MED25: variants seen among roughly 807,000 people sequenced by gnomAD.
The protein encoded by MED25 is mediator of RNA polymerase II transcription subunit 25.
In MED25, 62 loss-of-function variants were observed where a neutral mutation model predicts 89.4. The ratio of observed to expected loss-of-function variants is 0.69; its 90% CI spans 0.57 to 0.86. The LOEUF (loss-of-function observed/expected upper bound fraction) is 0.86, where lower values mean the gene tolerates loss of function less well. Among genes scored for constraint, MED25 ranks in the 40% least tolerant of loss-of-function variants. The pLI, the probability that MED25 is intolerant of heterozygous loss-of-function variation, is 0.00. For synonymous variants in MED25, 449 were observed against 427.9 expected (o/e 1.05, Z -0.61); for missense variants, 905 against 1,005.2 (o/e 0.90, Z 1.35).
intron 2 of MED25, chr19:49,818,875 G>A: frequency 3.4e-6 from 2 of 582,454 alleles, no homozygotes; most frequent in Non-Finnish European, 3.0e-6. Flanking sequence ...GAGGGAGGAA[G>A]GGCTGGGCGT....
rs774677780 is a variant in MED25, at chr19:49,830,065, T to C, written c.689-23T>C. On this transcript the variant is annotated intron_variant, in intron 6 of 17. Transcript: ENST00000312865. The surrounding 1 kb of genome is among the most constrained non-coding windows in gnomAD (Gnocchi z 4.6). ...CATCTTGAATCCCTTCTCTCTGGGG[T>C]TGGCCATCCCTCCTGCTCTCAGTTG... 1 of 1,601,314 alleles carries C rather than the reference T, an allele frequency of 6.2e-7. No individual in the cohort carries two copies. The highest frequency in any genetic ancestry group is 1.3e-5 in the African/African-American group (1 of 74,848).
downstream of MED25, chr19:49,840,382 A>G (rs1349113723): frequency 1.3e-5 from 2 of 152,158 alleles, no homozygotes; most frequent in Admixed American, 6.5e-5. Context: ...CGATTTGATG[A>G]TATTTCTGGC....
At chr19:49,838,548 A>G (rs1472336250), downstream of MED25, 1 of 457,140 alleles carries the variant, frequency 2.2e-6, no homozygotes, top group Admixed American at 2.4e-5. Context: ...AGGAAAGTGA[A>G]ATCTTTCTTG....
intron 3 of MED25, among the ~76,000 whole-genome samples, chr19:49,823,675 C>T (rs2123869249): frequency 6.6e-6 from 1 of 152,312 alleles, no homozygotes; most frequent in East Asian, 1.9e-4. Flanking sequence ...TGTTGAGTAT[C>T]TGCTTTGTTC....
downstream of MED25, chr19:49,839,742 C>T (rs2074121950): frequency 6.6e-6 from 1 of 152,184 alleles, no homozygotes; most frequent in Non-Finnish European, 1.5e-5. Context: ...AACCTTTACT[C>T]TTTCCTGTGC....
intron 3 of MED25, among the ~76,000 whole-genome samples, chr19:49,826,065 G>A (rs1244698869): frequency 1.3e-5 from 2 of 152,092 alleles, no homozygotes; most frequent in African/African-American, 4.8e-5. Flanking sequence ...TTGATGCCGG[G>A]CACAGTGGCT....
Position 49,828,461 on chromosome 19 carries a change from G to A in MED25, c.318G>A (p.Gly106=), listed in dbSNP as rs929840796. Residue 106 remains glycine, a synonymous_variant, in exon 4 of 18, where the codon GGG becomes GGA. Transcript: ENST00000312865. ...TCTGCCCCTGCAGGTTCATGGGCGG[G>A]GGTGGTGAGAGCTGCAGCCTCATCG... ...TWLDGIKFMG[G]GGESCSLIAE... 4 of 1,613,894 alleles carry A rather than the reference G, an allele frequency of 2.5e-6. No homozygotes were observed. The highest frequency in any genetic ancestry group is 3.4e-6 in the Non-Finnish European group (4 of 1,179,824).
chr19:49,836,097 C>T lies in MED25; in HGVS notation c.1966-129C>T, dbSNP rs966803520. 572 of 1,507,392 alleles carry T rather than the reference C, an allele frequency of 3.8e-4. No individual in the cohort carries two copies. Among genetic ancestry groups the T allele is most frequent in the Middle Eastern group, 5.7e-4 (3 of 5,234 alleles). The allele number at this position is 1,507,392 out of a possible 1,614,324, so 93.4% of individuals were successfully genotyped here. On this transcript the variant is annotated intron_variant, in intron 16 of 17. Coordinates refer to ENST00000312865, the MANE Select transcript of MED25 (RefSeq NM_030973.4). This position sits in a 1 kb window ranked among gnomAD's most constrained non-coding sequence, Gnocchi z 5.1. ...GGCAGAAGGCAGACCGCCTCCTCTC[C>T]GTCCATCCCCCACCTTTGAAGAAAA... is the stretch of plus-strand genomic sequence containing the variant.
Position 49,836,162 on chromosome 19 carries a change from G to T in MED25, c.1966-64G>T. 1 of 1,570,262 alleles carries T rather than the reference G, an allele frequency of 6.4e-7. No homozygotes were observed. The highest frequency in any genetic ancestry group is 1.1e-5 in the South Asian group (1 of 89,062). On this transcript the variant is annotated intron_variant, in intron 16 of 17. Transcript: ENST00000312865. This position sits in a 1 kb window ranked among gnomAD's most constrained non-coding sequence, Gnocchi z 5.1. Reference sequence around the variant, plus strand: ...CTAGCTGATTCCATCTCTGAGCAGTGTCTGTGTTGAGAGGTGGGGAGTCTC... The same window carrying T: ...CTAGCTGATTCCATCTCTGAGCAGTTTCTGTGTTGAGAGGTGGGGAGTCTC...
Position 49,830,401 on chromosome 19 carries a change from T to C in MED25, c.820-110T>C. On this transcript the variant is annotated intron_variant, in intron 7 of 17. Coordinates refer to ENST00000312865, the MANE Select transcript of MED25 (RefSeq NM_030973.4). The surrounding 1 kb of genome is among the most constrained non-coding windows in gnomAD (Gnocchi z 4.6). ...GTGTGATGGGTGTTGTGAGCTAAGC[T>C]ATCCCAGCTGGTGCCTCATGGGGCC... 2.4e-6 allele frequency: 3 copies of C among 1,240,458 alleles called. No homozygotes were observed. The highest frequency in any genetic ancestry group is 3.5e-6 in the Non-Finnish European group (3 of 858,904). 76.8% of individuals were successfully genotyped at this position (1,240,458 alleles called of 1,614,324 possible). A position where few individuals can be genotyped will look rare whatever the true frequency, so the allele number is the denominator to read the frequency against.
Position 49,836,207 on chromosome 19 carries a change from ACT to A in MED25, c.1966-14_1966-13del, listed in dbSNP as rs754569108. The A allele has an allele frequency of 3.7e-6, 6 of 1,610,254 alleles. No homozygotes were observed. Among genetic ancestry groups the A allele is most frequent in the African/African-American group, 1.3e-5 (1 of 74,672 alleles). On this transcript the variant is annotated splice_polypyrimidine_tract_variant and intron_variant, in intron 16 of 17. Coordinates refer to ENST00000312865, the MANE Select transcript of MED25 (RefSeq NM_030973.4). The surrounding 1 kb of genome is among the most constrained non-coding windows in gnomAD (Gnocchi z 5.1). ...AGTCTCTACCAGGAGCCTCTGAGCC[ACT>A]CTCTGTGTTCTCCCAGCCGCAGACT...
chr19:49,829,166 C>G lies in MED25; in HGVS notation c.525+76C>G. ...GGTCTGAGGCAGGAGGCACTGAGGGCCTGGACTCCTGGGTCTGAGGGAGGA... is the reference window on the plus strand; with the variant it reads ...GGTCTGAGGCAGGAGGCACTGAGGGGCTGGACTCCTGGGTCTGAGGGAGGA... On this transcript the variant is annotated intron_variant, in intron 5 of 17. Transcript: ENST00000312865. The surrounding 1 kb of genome is among the most constrained non-coding windows in gnomAD (Gnocchi z 4.6). 1.5e-6 allele frequency: 2 copies of G among 1,339,158 alleles called. No individual in the cohort carries two copies. The allele number at this position is 1,339,158 out of a possible 1,614,324, so 83.0% of individuals were successfully genotyped here.
intron 3 of MED25, among the ~76,000 whole-genome samples, chr19:49,826,770 G>C (rs1186583346): frequency 6.6e-6 from 1 of 152,206 alleles, no homozygotes; most frequent in East Asian, 1.9e-4. Flanking sequence ...AGTTTAGCTG[G>C]ATTCCATCCG....
chr19:49,818,633 C>G lies in MED25; in HGVS notation c.180+17C>G, dbSNP rs770514045. On this transcript the variant is annotated intron_variant, in intron 2 of 17. Transcript: ENST00000312865. Reference sequence around the variant, plus strand: ...GGGGGAGACGTGAGTCTAGGGACTCCTGGGCCTGAGGGAGGAGGGGCCGGG... The same window carrying G: ...GGGGGAGACGTGAGTCTAGGGACTCGTGGGCCTGAGGGAGGAGGGGCCGGG... The G allele has an allele frequency of 4.4e-5, 71 of 1,611,852 alleles. No individual in the cohort carries two copies. Among genetic ancestry groups the G allele is most frequent in the Non-Finnish European group, 5.8e-5 (68 of 1,178,284 alleles).
intron 3 of MED25, 176 bp downstream of exon 3, chr19:49,819,472 T>A: frequency 1.6e-6 from 1 of 627,692 alleles, no homozygotes; most frequent in Non-Finnish European, 2.8e-6. Flanking sequence ...TTGGGGTCCC[T>A]GCGAGGGGCC....
At chr19:49,824,056 C>G (rs948302005) in intron 3 of MED25, among the ~76,000 whole-genome samples, 1 of 152,232 alleles carries the variant, frequency 6.6e-6, no homozygotes, top group Admixed American at 6.5e-5. Flanking sequence ...CTTCTTGAGG[C>G]CCAGGTCCAA....
In MED25 at chr19:49,835,652, A is replaced by G. The variant is rs747482155; in HGVS notation, c.1746+47A>G. ...TCGGGGCTGGGTTGGGGAGGCCCCA[A>G]GGCTGCGCTCTGTGCCTGCAGAAGG... On this transcript the variant is annotated intron_variant, in intron 15 of 17. Transcript: ENST00000312865. The surrounding 1 kb of genome is among the most constrained non-coding windows in gnomAD (Gnocchi z 6.2). 8.9e-5 allele frequency: 139 copies of G among 1,563,550 alleles called. 3 individuals are homozygous for G. Among genetic ancestry groups the G allele is most frequent in the Non-Finnish European group, 1.6e-5 (18 of 1,154,686 alleles).
chr19:49,818,500 A>G, intron 1 of MED25, 25 bp downstream of exon 1: 1 of 1,613,820 alleles, frequency 6.2e-7, no homozygotes, highest in African/African-American at 1.3e-5. Flanking sequence ...CGCGACTCTA[A>G]CCCCGCCCTC....
Position 49,830,772 on chromosome 19 carries a change from C to G in MED25, c.986C>G (p.Pro329Arg). 5.6e-6 allele frequency: 9 copies of G among 1,612,994 alleles called. No individual in the cohort carries two copies. The highest frequency in any genetic ancestry group is 7.6e-6 in the Non-Finnish European group (9 of 1,179,252). ...AGCCAGGCCCCAGCTCCCCAACTAC[C>G]CCCAGGACCCCCTGGCGCCCCCAAG... ...PFSQAPAPQL[P>R]PGPPGAPKPP... Residue 329 changes from proline to arginine, a missense_variant, in exon 9 of 18, where the codon CCC becomes CGC. Pro to Arg is a moderately radical substitution (Grantham distance 103). Around this residue, in one of 3 missense-constraint regions of MED25, gnomAD observed 501 missense variants for 526.9 expected, o/e 0.95. Coordinates refer to ENST00000312865, the MANE Select transcript of MED25 (RefSeq NM_030973.4). The surrounding 1 kb of genome is among the most constrained non-coding windows in gnomAD (Gnocchi z 4.6).
Sources: gnomAD v4.1 joint callset for allele counts (sites outside exome capture counted in the v4.1 genomes callset) on GRCh38, gnomAD v4.1.1 for gene constraint, gnomAD v4.1.1 regional missense constraint, Gnocchi (gnomAD v3.1) non-coding constraint, MANE v1.5 for transcripts, NCBI Gene and HGNC (gene_info 2026-07-23, HGNC 2026-07-21) for gene names.